UBE2D3: variants seen among roughly 807,000 people sequenced by gnomAD.
The protein encoded by UBE2D3 is ubiquitin-conjugating enzyme E2 D3.
In UBE2D3, 2 loss-of-function variants were observed where a neutral mutation model predicts 22.8. The observed-to-expected ratio is 0.09, with a 90% CI of 0.04 to 0.28. UBE2D3 has a LOEUF of 0.28. Among genes scored for constraint, UBE2D3 ranks in the 10% least tolerant of loss-of-function variants. The pLI, the probability that UBE2D3 is intolerant of heterozygous loss-of-function variation, is 1.00. For missense variants in UBE2D3, 27 were observed against 182.5 expected (o/e 0.15, Z 4.91); for synonymous variants, 56 against 60.4 (o/e 0.93, Z 0.34).
intron 4 of UBE2D3, among the ~76,000 whole-genome samples, chr4:102,807,587 G>A (rs1369546242): frequency 2.0e-5 from 3 of 152,164 alleles, no homozygotes; most frequent in Non-Finnish European, 4.4e-5. Context: ...AAAATCACAT[G>A]CTTCTGTTTG....
intron 1 of UBE2D3, among the ~76,000 whole-genome samples, chr4:102,847,322 G>A (rs150209711): frequency 0.017 from 2,639 of 152,100 alleles, 30 homozygotes; most frequent in Admixed American, 0.024. Context: ...GTCTCACTCC[G>A]TCGCCCAGGC....
intron 2 of UBE2D3, among the ~76,000 whole-genome samples, chr4:102,817,252 G>T (rs1386850486): frequency 1.3e-5 from 2 of 152,200 alleles, no homozygotes; most frequent in African/African-American, 4.8e-5. Flanking sequence ...TCTTTTAAAA[G>T]AGCCCTTGAA....
intron 2 of UBE2D3, among the ~76,000 whole-genome samples, chr4:102,822,291 T>A (rs1201081748): frequency 6.6e-6 from 1 of 152,208 alleles, no homozygotes; most frequent in Non-Finnish European, 1.5e-5. Context: ...GTCACAACTA[T>A]CCTACACAGA....
chr4:102,847,861 G>T (rs989705226), intron 1 of UBE2D3, among the ~76,000 whole-genome samples: 1 of 151,954 alleles, frequency 6.6e-6, no homozygotes, highest in African/African-American at 2.4e-5. Context: ...GCCCAGGCTG[G>T]CCTCAAACTC....
At chr4:102,823,759 G>T (rs1410911521) in intron 2 of UBE2D3, among the ~76,000 whole-genome samples, 3 of 152,088 alleles carry the variant, frequency 2.0e-5, no homozygotes, top group Non-Finnish European at 4.4e-5. Flanking sequence ...TGGTCTAACA[G>T]TCAAAAAACT....
At chr4:102,799,314 A>T in intron 7 of UBE2D3, 93 bp downstream of exon 7, 1 of 955,732 alleles carries the variant, frequency 1.0e-6, no homozygotes. Context: ...TTATCTTACT[A>T]AATATCAAGT....
intron 2 of UBE2D3, chr4:102,810,118 C>T (rs764716554): frequency 1.3e-4 from 49 of 384,816 alleles, no homozygotes; most frequent in Non-Finnish European, 2.1e-4. Context: ...TCTTACAAAC[C>T]GAAATAGCTA....
upstream of UBE2D3, among the ~76,000 whole-genome samples, chr4:102,828,763 C>T (rs749577550): frequency 1.4e-4 from 22 of 152,132 alleles, no homozygotes; most frequent in Non-Finnish European, 1.0e-4. Context: ...TGGGATTTAC[C>T]TCAGTAGGAT....
intron 4 of UBE2D3, among the ~76,000 whole-genome samples, chr4:102,805,753 G>A (rs1451584458): frequency 6.6e-6 from 1 of 151,854 alleles, no homozygotes; most frequent in African/African-American, 2.4e-5. Context: ...TTCATTCCAG[G>A]GCATATATTC....
chr4:102,799,095 T>G (rs1441495389), intron 7 of UBE2D3: 1 of 1,169,914 alleles, frequency 8.5e-7, no homozygotes, highest in Non-Finnish European at 1.2e-6. Context: ...ACAATAGTAC[T>G]AACATTTTTG....
rs1429486668 is a variant in UBE2D3, at chr4:102,795,629, C to A, written c.*1786G>T. ...AGCCAGAACATCTTCAGAAGGCATG[C>A]ATTTCACTTCCAGTTTAGAGAAGAA... On this transcript the variant is annotated 3_prime_UTR_variant, in exon 8 of 8. Coordinates refer to ENST00000453744, the MANE Select transcript of UBE2D3 (RefSeq NM_181891.3). 6.6e-6 allele frequency: 1 copy of A among 152,054 alleles called. No homozygotes were observed. The highest frequency in any genetic ancestry group is 1.5e-5 in the Non-Finnish European group (1 of 67,944). 9.4% of individuals were successfully genotyped at this position (152,054 alleles called of 1,614,324 possible). A position where few individuals can be genotyped will look rare whatever the true frequency, so the allele number is the denominator to read the frequency against.
rs1208555416 is a variant in UBE2D3, at chr4:102,860,298, C to G, written c.-129+8417G>C. ...GTCTCTGTTTCTTTGGGGTCAACTGCTAGAACTTTAATTTGTTCCTTTGGT... is the reference window on the plus strand; with the variant it reads ...GTCTCTGTTTCTTTGGGGTCAACTGGTAGAACTTTAATTTGTTCCTTTGGT... On this transcript the variant is annotated intron_variant, in intron 1 of 7. Coordinates refer to the UBE2D3 transcript ENST00000338145. 1.3e-5 allele frequency among the ~76,000 whole-genome samples: 2 copies of G among 150,968 alleles called. 1 individual carries two copies. The highest frequency in any genetic ancestry group is 3.0e-5 in the Non-Finnish European group (2 of 67,650).
At chr4:102,806,765 G>C (rs1024116400) in intron 4 of UBE2D3, among the ~76,000 whole-genome samples, 5 of 152,036 alleles carry the variant, frequency 3.3e-5, no homozygotes, top group African/African-American at 9.7e-5. Flanking sequence ...AGAGGCAATA[G>C]GTAAGGAAGT....
At chr4:102,826,029 A>G (rs890967880) in intron 2 of UBE2D3, among the ~76,000 whole-genome samples, 2 of 152,034 alleles carry the variant, frequency 1.3e-5, no homozygotes, top group African/African-American at 4.8e-5. Context: ...GACTCGCCAG[A>G]TTTTTTTTCT....
chr4:102,851,425 A>G (rs1171480434), intron 1 of UBE2D3, among the ~76,000 whole-genome samples: 1 of 152,212 alleles, frequency 6.6e-6, no homozygotes, highest in Non-Finnish European at 1.5e-5. Context: ...AGGGGAGACT[A>G]ACAGAACTTT....
At chr4:102,814,457 CTTTTTTTTT>C (rs574701413) in intron 2 of UBE2D3, among the ~76,000 whole-genome samples, 1 of 119,140 alleles carries the variant, frequency 8.4e-6, no homozygotes, top group Non-Finnish European at 1.7e-5. Flanking sequence ...CCTGGCTATT[CTTTTTTTTT>C]TTTTTTTTTT....
intron 2 of UBE2D3, among the ~76,000 whole-genome samples, chr4:102,821,811 C>A (rs1236814123): frequency 6.6e-6 from 1 of 151,954 alleles, no homozygotes. Flanking sequence ...TTTAAAAACT[C>A]CAAATGTTCT....
intron 2 of UBE2D3, among the ~76,000 whole-genome samples, chr4:102,824,543 T>C (rs1165849167): frequency 6.6e-6 from 1 of 152,248 alleles, no homozygotes; most frequent in Non-Finnish European, 1.5e-5. Context: ...GCACATAAAC[T>C]TGCCCAGAGC....
intron 1 of UBE2D3, among the ~76,000 whole-genome samples, chr4:102,863,051 T>G (rs1180028935): frequency 7.0e-6 from 1 of 142,820 alleles, no homozygotes; most frequent in Non-Finnish European, 1.5e-5. Context: ...TTTTTCTTTG[T>G]TTTTTTTTTC....
Sources: gnomAD v4.1 joint callset for allele counts (sites outside exome capture counted in the v4.1 genomes callset) on GRCh38, gnomAD v4.1.1 for gene constraint, MANE v1.5 for transcripts, NCBI Gene and HGNC (gene_info 2026-07-23, HGNC 2026-07-21) for gene names.